The following ZNF236 variants were observed in gnomAD, a reference collection of about 807,000 sequenced individuals.
ZNF236 encodes zinc finger protein 236, also known as regulated by glucose.
Under a neutral mutation model 191.2 loss-of-function variants are expected in ZNF236, and 50 were observed. The observed-to-expected ratio is 0.26, with a 90% CI of 0.21 to 0.33. ZNF236 has a LOEUF of 0.33. ZNF236 is among the 10% of genes least tolerant of loss of function. The pLI is 1.00. For synonymous variants in ZNF236, 907 were observed against 928.8 expected (o/e 0.98, Z 0.43); for missense variants, 1,754 against 2,374.5 (o/e 0.74, Z 5.43).
chr18:76,855,326 G>A (rs1487061104), intron 3 of ZNF236, among the ~76,000 whole-genome samples: 2 of 152,212 alleles, frequency 1.3e-5, no homozygotes, highest in African/African-American at 4.8e-5. Flanking sequence ...CAATAGAGAA[G>A]GCTATAGAGA....
At chr18:76,933,338 C>T (rs1006991093) in intron 25 of ZNF236, among the ~76,000 whole-genome samples, 2 of 151,862 alleles carry the variant, frequency 1.3e-5, no homozygotes, top group Admixed American at 6.6e-5. Flanking sequence ...GGCTTGGTGG[C>T]GGGTGCCTGT....
At chr18:76,885,206 T>C (rs1445900629) in intron 9 of ZNF236, 1 of 152,510 alleles carries the variant, frequency 6.6e-6, no homozygotes, top group African/African-American at 2.4e-5. Flanking sequence ...GCAGGTTTCC[T>C]TGGTGAAGAT....
At chr18:76,897,376 CAT>C (rs1358753941) in intron 10 of ZNF236, among the ~76,000 whole-genome samples, 1 of 151,038 alleles carries the variant, frequency 6.6e-6, no homozygotes, top group African/African-American at 2.4e-5. Flanking sequence ...ACAAGTAGTA[CAT>C]AGAGTACCAA....
chr18:76,935,747 G>C (rs1051469277), intron 25 of ZNF236, among the ~76,000 whole-genome samples: 3 of 152,326 alleles, frequency 2.0e-5, no homozygotes, highest in Middle Eastern at 3.4e-3. Flanking sequence ...TGCGGTAAGG[G>C]TGTGTGGAGG....
intron 26 of ZNF236, among the ~76,000 whole-genome samples, chr18:76,939,770 C>G (rs1305545549): frequency 6.6e-6 from 1 of 151,836 alleles, no homozygotes; most frequent in Non-Finnish European, 1.5e-5. Flanking sequence ...GCGACCCTAG[C>G]ACTGCATTTG....
intron 25 of ZNF236, among the ~76,000 whole-genome samples, chr18:76,934,451 A>G (rs1040208766): frequency 6.6e-6 from 1 of 152,232 alleles, no homozygotes; most frequent in Non-Finnish European, 1.5e-5. Flanking sequence ...TTCATCTCAA[A>G]TGAGTATTAT....
In ZNF236 at chr18:76,838,088, C is replaced by G. The variant is rs1975386987; in HGVS notation, c.56-11438C>G. ...GCATTGTTGGGCAGCAAACTAGGCT[C>G]AAATACTCATCATCACATTTATCAG... On this transcript the variant is annotated intron_variant, in intron 1 of 30. Transcript: ENST00000320610. Among the ~76,000 whole-genome samples the G allele has an allele frequency of 2.6e-5, 4 of 152,288 alleles. No homozygotes were observed. The South Asian group carries it at 8.3e-4, about 32-fold the overall frequency.
Position 76,965,826 on chromosome 18 carries a change from T to G in ZNF236, c.5420-2389T>G, listed in dbSNP as rs190555773. On this transcript the variant is annotated intron_variant, in intron 30 of 30. Coordinates refer to ENST00000320610, the MANE Select transcript of ZNF236 (RefSeq NM_001306089.2). ...ATGGACTCTGTGAAGGTTCTTAGCT[T>G]TGGTGGTTTAATGCTCTATTTTTGT... Among the ~76,000 whole-genome samples, 10 of 152,132 alleles carry G rather than the reference T, an allele frequency of 6.6e-5. No homozygotes were observed. In the East Asian group the frequency reaches 1.5e-3, roughly 24 times the overall value.
intron 25 of ZNF236, chr18:76,936,420 C>T (rs184531578): frequency 6.6e-6 from 3 of 456,704 alleles, no homozygotes; most frequent in Non-Finnish European, 1.3e-5. Context: ...CAGCAAGGTA[C>T]ATGAGTGTCT....
In ZNF236 at chr18:76,925,765, T is replaced by A. The variant is rs529519215; in HGVS notation, c.4027+211T>A. Among the ~76,000 whole-genome samples, 1 of 152,378 alleles carries A rather than the reference T, an allele frequency of 6.6e-6. No homozygotes were observed. The highest frequency in any genetic ancestry group is 2.4e-5 in the African/African-American group (1 of 41,596). Reference sequence around the variant, plus strand: ...TTCGCATTCTGTCTTCCATGCCAGCTGCTTTTTTACACTAAGCACTTTGTT... The same window carrying A: ...TTCGCATTCTGTCTTCCATGCCAGCAGCTTTTTTACACTAAGCACTTTGTT... On this transcript the variant is annotated intron_variant, in intron 22 of 30. Transcript: ENST00000320610. This position sits in a 1 kb window ranked among gnomAD's most constrained non-coding sequence, Gnocchi z 5.7.
In ZNF236 at chr18:76,925,156, G is replaced by A. The variant is rs200320383; in HGVS notation, c.3662-33G>A. Reference sequence around the variant, plus strand: ...GGGGGTGAGTGTCGCGACTGCCATCGCCTCTGTTGATTCTTGGCTGGGCTT... The same window carrying A: ...GGGGGTGAGTGTCGCGACTGCCATCACCTCTGTTGATTCTTGGCTGGGCTT... On this transcript the variant is annotated intron_variant, in intron 21 of 30. Coordinates refer to ENST00000320610, the MANE Select transcript of ZNF236 (RefSeq NM_001306089.2). This position sits in a 1 kb window ranked among gnomAD's most constrained non-coding sequence, Gnocchi z 5.7. 8.6e-5 allele frequency: 137 copies of A among 1,596,390 alleles called. No individual in the cohort carries two copies. The East Asian group carries it at 1.3e-3, about 15-fold the overall frequency.
rs1270089490 is a variant in ZNF236 at position 76,851,169 on chromosome 18, G to A, written c.199-606G>A. On this transcript the variant is annotated intron_variant, in intron 2 of 30. Transcript: ENST00000320610. ...TTTCTCTATGTGTTCATTTTACAGCGGTACCCATACACACTTACAAACGGC... is the reference window on the plus strand; with the variant it reads ...TTTCTCTATGTGTTCATTTTACAGCAGTACCCATACACACTTACAAACGGC... Among the ~76,000 whole-genome samples the A allele has an allele frequency of 6.7e-5, 10 of 150,316 alleles. 1 individual carries two copies. The highest frequency in any genetic ancestry group is 2.2e-4 in the African/African-American group (9 of 40,886).
In ZNF236 at chr18:76,947,544, C is replaced by T. The variant is rs1453199194; in HGVS notation, c.4806C>T (p.Leu1602=). The change falls in exon 27 of 31, where the codon CTC becomes CTT. Residue 1602 remains leucine (L), a synonymous_variant. Transcript: ENST00000320610. ...TSQGQQFPAL[L]TDPSLSGQGG... ...AGGGTCAGCAGTTCCCAGCGCTCCT[C>T]ACGGATCCCTCTCTCTCGGGCCAGG... 1 of 1,614,016 alleles carries T rather than the reference C, an allele frequency of 6.2e-7. No individual in the cohort carries two copies. The highest frequency in any genetic ancestry group is 2.2e-5 in the East Asian group (1 of 44,866).
At chr18:76,885,932 T>A (rs1226018559) in intron 9 of ZNF236, 3 of 152,432 alleles carry the variant, frequency 2.0e-5, no homozygotes, top group Non-Finnish European at 4.4e-5. Context: ...TTCCCCAGTC[T>A]GCTCGCTGCT....
At chr18:76,895,676 GCACACAGTACCC>G (rs1977384222) in intron 10 of ZNF236, among the ~76,000 whole-genome samples, 1 of 151,772 alleles carries the variant, frequency 6.6e-6, no homozygotes, top group South Asian at 2.1e-4. Context: ...CACAGGGACT[GCACACAGTACCC>G]CACATAGTAC....
intron 27 of ZNF236, among the ~76,000 whole-genome samples, chr18:76,952,523 C>G (rs1222026168): frequency 6.6e-6 from 1 of 152,230 alleles, no homozygotes; most frequent in Admixed American, 6.5e-5. Flanking sequence ...CTGGGTTTAT[C>G]TGAACCCACG....
intron 1 of ZNF236, among the ~76,000 whole-genome samples, chr18:76,842,714 G>A (rs1013093589): frequency 1.3e-5 from 2 of 150,802 alleles, no homozygotes; most frequent in Admixed American, 6.6e-5. Context: ...TCGCGCCATC[G>A]CACTCCAGCC....
At chr18:76,868,957 G>A (rs1269233474) in intron 4 of ZNF236, 94 bp downstream of exon 4, 2 of 1,285,514 alleles carry the variant, frequency 1.6e-6, no homozygotes, top group African/African-American at 3.0e-5. Flanking sequence ...TTTGCTGCAA[G>A]AACCCAGCAA....
intron 20 of ZNF236, 24 bp from the exon 21 acceptor site, chr18:76,923,047 C>G (rs772090453): frequency 6.5e-7 from 1 of 1,532,056 alleles, no homozygotes; most frequent in Admixed American, 1.7e-5. Context: ...GTCAATATGT[C>G]TATAATTAAT....
Sources: allele counts gnomAD v4.1 joint callset (sites outside exome capture counted in the v4.1 genomes callset), GRCh38; gene constraint gnomAD v4.1.1; non-coding constraint Gnocchi (gnomAD v3.1); transcripts MANE v1.5; gene names NCBI Gene and HGNC (gene_info 2026-07-23, HGNC 2026-07-21).